Variants in ELMO1 observed in about 807,000 individuals in gnomAD.
ELMO1 encodes engulfment and cell motility 1, also known as engulfment and cell motility protein 1.
Under a neutral mutation model 98.9 loss-of-function variants are expected in ELMO1, and 26 were observed. The observed-to-expected ratio is 0.26, with a 90% CI of 0.19 to 0.36. The LOEUF is 0.36. Ranked by LOEUF, ELMO1 falls within the 10% of genes least tolerant of loss-of-function variation. The pLI, the probability that ELMO1 is intolerant of heterozygous loss-of-function variation, is 1.00. For synonymous variants in ELMO1, 346 were observed against 346.0 expected, an observed-to-expected ratio of 1.00 and a Z score of 0.00; for missense variants, 627 against 935.2, an observed-to-expected ratio of 0.67 and a Z score of 4.30.
At chr7:36,918,691 A>T (rs1784901060) in intron 16 of ELMO1, among the ~76,000 whole-genome samples, 3 of 152,122 alleles carry the variant, frequency 2.0e-5, no homozygotes, top group Non-Finnish European at 2.9e-5. Context: ...TGTTCTTTGG[A>T]TTGTTGCTTT....
At chr7:37,096,832 C>G in intron 14 of ELMO1, 105 bp from the exon 15 acceptor site, 1 of 1,075,520 alleles carries the variant, frequency 9.3e-7, no homozygotes, top group Non-Finnish European at 1.4e-6. Context: ...ACTTCAGATC[C>G]CCAAACGAAG....
chr7:37,107,557 C>T (rs915058095), intron 14 of ELMO1, among the ~76,000 whole-genome samples: 3 of 152,204 alleles, frequency 2.0e-5, no homozygotes, highest in East Asian at 1.9e-4. Context: ...GGTTTTGACT[C>T]GCTCAACATT....
intron 1 of ELMO1, among the ~76,000 whole-genome samples, chr7:37,348,107 T>C (rs1369204864): frequency 2.0e-5 from 3 of 152,178 alleles, no homozygotes; most frequent in Non-Finnish European, 4.4e-5. Context: ...TTTTAATACA[T>C]AGCTGTTGTA....
In ELMO1 at chr7:36,921,968, T is replaced by C. The variant is rs73106665; in HGVS notation, c.1438-26951A>G. Among the ~76,000 whole-genome samples the C allele has an allele frequency of 4.1e-3, 617 of 152,284 alleles. 9 individuals carry two copies. Among genetic ancestry groups the C allele is most frequent in the Middle Eastern group, 0.02 (6 of 294 alleles). On this transcript the variant is annotated intron_variant, in intron 16 of 21. Coordinates refer to ENST00000310758, the MANE Select transcript of ELMO1 (RefSeq NM_014800.11). ...TTATTTTCTTGTGGAGTTTTCCCTA[T>C]TCCCCATCAAACTCTTGAAATTCTA...
intron 15 of ELMO1, among the ~76,000 whole-genome samples, chr7:37,052,024 T>C (rs1437012515): frequency 1.3e-5 from 2 of 152,232 alleles, no homozygotes; most frequent in African/African-American, 4.8e-5. Flanking sequence ...TCCATGTTTT[T>C]CATTTCCTTT....
At chr7:37,072,870 T>C (rs1402084102) in intron 15 of ELMO1, among the ~76,000 whole-genome samples, 2 of 152,202 alleles carry the variant, frequency 1.3e-5, no homozygotes, top group Non-Finnish European at 2.9e-5. Context: ...ACCTTTCTCA[T>C]AAAAGAGCCA....
chr7:37,076,053 G>T (rs553947846), intron 15 of ELMO1, among the ~76,000 whole-genome samples: 1 of 152,274 alleles, frequency 6.6e-6, no homozygotes, highest in East Asian at 1.9e-4. Flanking sequence ...TACACAGGCA[G>T]ATGAATGTAA....
At chr7:37,442,349 T>C (rs1239698304) in intron 1 of ELMO1, among the ~76,000 whole-genome samples, 1 of 152,222 alleles carries the variant, frequency 6.6e-6, no homozygotes, top group Non-Finnish European at 1.5e-5. Context: ...CTCCAGTCTC[T>C]GGTTTTCTTA....
chr7:37,143,958 G>T (rs891763463), intron 13 of ELMO1, among the ~76,000 whole-genome samples: 16 of 151,866 alleles, frequency 1.1e-4, no homozygotes, highest in African/African-American at 3.6e-4. Flanking sequence ...TAATCCACCC[G>T]CCTTGGCCTC....
intron 13 of ELMO1, among the ~76,000 whole-genome samples, chr7:37,139,202 T>C (rs1303576465): frequency 6.6e-6 from 1 of 152,164 alleles, no homozygotes; most frequent in Admixed American, 6.5e-5. Context: ...TTCAACATAG[T>C]ACTGGAAGTC....
At chr7:37,073,942 A>G (rs1797420713) in intron 15 of ELMO1, among the ~76,000 whole-genome samples, 1 of 151,202 alleles carries the variant, frequency 6.6e-6, no homozygotes, top group African/African-American at 2.4e-5. Flanking sequence ...TGTATCTTAT[A>G]CAGTCCAGAT....
At chr7:37,365,249 A>G (rs913758110) in intron 1 of ELMO1, among the ~76,000 whole-genome samples, 1 of 110,336 alleles carries the variant, frequency 9.1e-6, no homozygotes, top group African/African-American at 3.1e-5. Context: ...TCAAAAGGAC[A>G]CTGGAAAATA....
chr7:37,360,570 T>C (rs1315517121), intron 1 of ELMO1, among the ~76,000 whole-genome samples: 1 of 152,174 alleles, frequency 6.6e-6, no homozygotes, highest in African/African-American at 2.4e-5. Flanking sequence ...ATCCAGAATC[T>C]GCCTGTGGGT....
intron 14 of ELMO1, among the ~76,000 whole-genome samples, chr7:37,113,101 C>T (rs1785350390): frequency 6.6e-6 from 1 of 152,192 alleles, no homozygotes; most frequent in Admixed American, 6.5e-5. Context: ...CGGACAAAGG[C>T]CAGAAAGGCA....
intron 16 of ELMO1, among the ~76,000 whole-genome samples, chr7:37,007,874 C>T (rs1275277015): frequency 1.3e-5 from 2 of 152,152 alleles, no homozygotes; most frequent in African/African-American, 4.8e-5. Context: ...CTCCCATTGA[C>T]TCGGTTGAAG....
At chr7:37,149,810 A>T (rs1484140349) in intron 13 of ELMO1, among the ~76,000 whole-genome samples, 5 of 152,178 alleles carry the variant, frequency 3.3e-5, no homozygotes, top group Non-Finnish European at 7.3e-5. Flanking sequence ...AAAAGTTCAA[A>T]ATCTTAATTA....
At chr7:37,094,601 C>T (rs1166506749) in intron 15 of ELMO1, among the ~76,000 whole-genome samples, 2 of 152,186 alleles carry the variant, frequency 1.3e-5, no homozygotes, top group African/African-American at 4.8e-5. Flanking sequence ...CAGAGGCCAG[C>T]CCACATCAGG....
intron 7 of ELMO1, among the ~76,000 whole-genome samples, chr7:37,236,026 C>T (rs556562732): frequency 6.6e-6 from 1 of 152,230 alleles, no homozygotes; most frequent in East Asian, 1.9e-4. Flanking sequence ...TGACATTAGT[C>T]TTCAGTAGCT....
At chr7:37,029,801 A>T (rs1345926945) in intron 15 of ELMO1, among the ~76,000 whole-genome samples, 1 of 152,164 alleles carries the variant, frequency 6.6e-6, no homozygotes, top group Non-Finnish European at 1.5e-5. Context: ...GGATGGAGGC[A>T]TGTATAGATT....
Sources: gnomAD v4.1 joint callset for allele counts (sites outside exome capture counted in the v4.1 genomes callset) on GRCh38, gnomAD v4.1.1 for gene constraint, MANE v1.5 for transcripts, NCBI Gene and HGNC (gene_info 2026-07-23, HGNC 2026-07-21) for gene names.